NYAP2: variants seen among roughly 807,000 people sequenced by gnomAD.
NYAP2 encodes neuronal tyrosine-phosphorylated phosphoinositide-3-kinase adaptor 2, also known as neuronal tyrosine-phosphorylated phosphoinositide-3-kinase adapter 2.
NYAP2 carries 23 observed loss-of-function variants against 50.4 expected under a neutral mutation model. That is an observed-to-expected ratio of 0.46 (90% CI 0.33 to 0.65). The LOEUF is 0.65. Among genes scored for constraint, NYAP2 ranks in the 30% least tolerant of loss-of-function variants. NYAP2 has a pLI of 0.02. For synonymous variants in NYAP2, 394 were observed against 365.2 expected, an observed-to-expected ratio of 1.08 and a Z score of -0.90; for missense variants, 885 against 861.0, an observed-to-expected ratio of 1.03 and a Z score of -0.35.
the NYAP2 span, among the ~76,000 whole-genome samples, chr2:225,679,462 C>G: frequency 3.4e-5 from 5 of 147,378 alleles, no homozygotes; most frequent in African/African-American, 1.2e-4. Flanking sequence ...GTTGGTAATA[C>G]ATTCTCATTT....
At chr2:225,433,560 T>C (rs959741374) in intron 3 of NYAP2, among the ~76,000 whole-genome samples, 7 of 151,910 alleles carry the variant, frequency 4.6e-5, no homozygotes, top group African/African-American at 1.7e-4. Context: ...TTAAGTGATA[T>C]GTATGTCTAT....
chr2:225,569,610 C>T (rs1692030997), intron 4 of NYAP2, among the ~76,000 whole-genome samples: 1 of 152,106 alleles, frequency 6.6e-6, no homozygotes, highest in Non-Finnish European at 1.5e-5. Context: ...CATTTTGAGG[C>T]CCTTCCAAGT....
In NYAP2 at chr2:225,644,215, GT is replaced by G. The variant is rs903701632; in HGVS notation, c.1829-7211del. Reference sequence around the variant, plus strand: ...AGTGATGCTGAGCATTTTTTCATGTGTTTTTTGGCTGCATAAATGCCTTCTT... The same window carrying G: ...AGTGATGCTGAGCATTTTTTCATGTGTTTTTGGCTGCATAAATGCCTTCTT... On this transcript the variant is annotated intron_variant, in intron 6 of 6. Transcript: ENST00000636099. Among the ~76,000 whole-genome samples the G allele has an allele frequency of 3.2e-4, 49 of 152,268 alleles. No homozygotes were observed. In the East Asian group the frequency reaches 5.2e-3, roughly 16 times the overall value.
At chr2:225,640,124 C>A (rs1436240387) in intron 6 of NYAP2, among the ~76,000 whole-genome samples, 2 of 152,114 alleles carry the variant, frequency 1.3e-5, no homozygotes, top group Non-Finnish European at 2.9e-5. Flanking sequence ...TATGATCACC[C>A]ATCCTAAACC....
intron 3 of NYAP2, among the ~76,000 whole-genome samples, chr2:225,458,004 C>T (rs993345956): frequency 1.3e-5 from 2 of 151,938 alleles, no homozygotes; most frequent in African/African-American, 2.4e-5. Flanking sequence ...AGTTCTATCT[C>T]CTTATTCTTT....
chr2:225,454,379 T>C (rs1689703006), intron 3 of NYAP2, among the ~76,000 whole-genome samples: 1 of 152,184 alleles, frequency 6.6e-6, no homozygotes, highest in African/African-American at 2.4e-5. Flanking sequence ...AATTGACTAA[T>C]AGATTACTGT....
chr2:225,515,294 TTG>T (rs758856324), intron 4 of NYAP2, among the ~76,000 whole-genome samples: 102 of 152,352 alleles, frequency 6.7e-4, no homozygotes, highest in Non-Finnish European at 1.3e-3. Context: ...GTGTATAGTC[TTG>T]TGTTTTGTAT....
intron 3 of NYAP2, among the ~76,000 whole-genome samples, chr2:225,414,257 C>T (rs193260454): frequency 5.3e-5 from 8 of 152,202 alleles, no homozygotes; most frequent in Admixed American, 3.3e-4. Flanking sequence ...AAAAGCGATG[C>T]TCTTAGTGTT....
chr2:225,620,475 ACACG>A lies in NYAP2; in HGVS notation c.1619-6430_1619-6427del, dbSNP rs147291609. 4.9e-3 allele frequency among the ~76,000 whole-genome samples: 740 copies of A among 150,674 alleles called. 10 individuals carry two copies. The highest frequency in any genetic ancestry group is 0.017 in the African/African-American group (704 of 41,078). ...CACGCACACACGCGCATGCACACGC[ACACG>A]CACGCACGCACACACACGCACGCAC... On this transcript the variant is annotated intron_variant, in intron 5 of 6. Transcript: ENST00000636099.
intron 5 of NYAP2, among the ~76,000 whole-genome samples, chr2:225,625,471 T>C (rs1487298982): frequency 6.6e-6 from 1 of 152,120 alleles, no homozygotes; most frequent in Non-Finnish European, 1.5e-5. Flanking sequence ...AGTGCAGAGA[T>C]GACCATGACC....
At chr2:225,519,090 A>G (rs764865451) in intron 4 of NYAP2, among the ~76,000 whole-genome samples, 9 of 152,028 alleles carry the variant, frequency 5.9e-5, no homozygotes, top group Non-Finnish European at 1.2e-4. Context: ...ACAGAAAAAT[A>G]TTCCTCAGTT....
the NYAP2 span, among the ~76,000 whole-genome samples, chr2:225,665,808 A>AAAAAAC: frequency 1.6e-5 from 1 of 64,182 alleles, no homozygotes; most frequent in East Asian, 3.6e-4. Context: ...GCCTCCGTCT[A>AAAAAAC]AAAAAAAAAA....
the NYAP2 span, among the ~76,000 whole-genome samples, chr2:225,682,349 A>T: frequency 6.6e-6 from 1 of 152,202 alleles, no homozygotes; most frequent in Admixed American, 6.5e-5. Context: ...GTAAGTGTGA[A>T]AAGCCATGAG....
intron 5 of NYAP2, among the ~76,000 whole-genome samples, chr2:225,623,070 A>G (rs944053416): frequency 1.3e-5 from 2 of 152,220 alleles, no homozygotes; most frequent in Non-Finnish European, 2.9e-5. Context: ...ACTTGATTTC[A>G]TTATAACTAA....
intron 5 of NYAP2, among the ~76,000 whole-genome samples, chr2:225,607,388 A>C (rs1295074592): frequency 6.6e-6 from 1 of 152,076 alleles, no homozygotes; most frequent in Non-Finnish European, 1.5e-5. Context: ...GGGGCAGTGG[A>C]AAGGAGAACC....
At chr2:225,542,338 C>T (rs1292073943) in intron 4 of NYAP2, among the ~76,000 whole-genome samples, 1 of 152,060 alleles carries the variant, frequency 6.6e-6, no homozygotes, top group Non-Finnish European at 1.5e-5. Flanking sequence ...GCCACCTTGT[C>T]ATGTTCCAGA....
intron 5 of NYAP2, among the ~76,000 whole-genome samples, chr2:225,597,266 C>A (rs1304546277): frequency 6.6e-6 from 1 of 151,344 alleles, no homozygotes; most frequent in African/African-American, 2.4e-5. Flanking sequence ...ACATTGTACC[C>A]AATTTGTAGT....
chr2:225,606,939 T>A (rs16866664), intron 5 of NYAP2, among the ~76,000 whole-genome samples: 2,874 of 152,222 alleles, frequency 0.019, 84 homozygotes, highest in African/African-American at 0.065. Context: ...ATATTTTGTA[T>A]GTAAAACCAC....
At chr2:225,491,802 A>G (rs7597924) in intron 3 of NYAP2, among the ~76,000 whole-genome samples, 37,150 of 152,148 alleles carry the variant, frequency 0.24, 6,750 homozygotes, top group African/African-American at 0.52. Flanking sequence ...AAAAGTCATC[A>G]ATTGCATGAT....
Sources: allele counts gnomAD v4.1 joint callset (sites outside exome capture counted in the v4.1 genomes callset), GRCh38; gene constraint gnomAD v4.1.1; transcripts MANE v1.5; gene names NCBI Gene and HGNC (gene_info 2026-07-23, HGNC 2026-07-21).